The following VSIG2 variants were observed in gnomAD, a reference collection of about 807,000 sequenced individuals.
VSIG2 encodes the protein V-set and immunoglobulin domain-containing protein 2.
VSIG2 carries 30 observed loss-of-function variants against 29.4 expected under a neutral mutation model. The ratio of observed to expected loss-of-function variants is 1.02; its 90% CI spans 0.76 to 1.38. The LOEUF (loss-of-function observed/expected upper bound fraction) is 1.38. Ranked by LOEUF, VSIG2 falls within the 40% of genes most tolerant of loss-of-function variation. VSIG2 has a pLI of 0.00. For missense variants in VSIG2, 421 were observed against 400.8 expected, an observed-to-expected ratio of 1.05 and a Z score of -0.43; for synonymous variants, 178 against 174.2, an observed-to-expected ratio of 1.02 and a Z score of -0.17.
chr11:124,748,254 G>T, intron 6 of VSIG2, 136 bp downstream of exon 6: 2 of 1,051,502 alleles, frequency 1.9e-6, no homozygotes, highest in Non-Finnish European at 2.8e-6. Context: ...GCTGCCACCA[G>T]CAAATTCCAC....
chr11:124,748,016 T>A (rs1284118438), intron 6 of VSIG2: 1 of 361,046 alleles, frequency 2.8e-6, no homozygotes, highest in African/African-American at 2.1e-5. Context: ...CACAGAAGAA[T>A]TGAACTCAGC....
intron 4 of VSIG2, 134 bp from the exon 5 acceptor site, chr11:124,748,897 C>T (rs1944049026): frequency 4.7e-6 from 6 of 1,289,698 alleles, no homozygotes; most frequent in South Asian, 2.6e-5. Context: ...GGGAGGAAAC[C>T]GGTTCAGAAG....
At chr11:124,751,345 C>A (rs2075712) in intron 2 of VSIG2, 78 bp downstream of exon 2, 270,313 of 1,571,212 alleles carry the variant, frequency 0.17, 24,281 homozygotes, top group African/African-American at 0.3. Context: ...CCAAACTCCC[C>A]CTCCCGACCC....
intron 4 of VSIG2, among the ~76,000 whole-genome samples, chr11:124,749,443 C>G (rs1043438437): frequency 4.6e-5 from 7 of 152,182 alleles, no homozygotes; most frequent in African/African-American, 1.7e-4. Context: ...GGGTGGTCAT[C>G]ATCAGATTGC....
rs541507849 is a variant in VSIG2, at chr11:124,750,662, G to A, written c.427+52C>T. On this transcript the variant is annotated intron_variant, in intron 3 of 6. Coordinates refer to ENST00000326621, the MANE Select transcript of VSIG2 (RefSeq NM_014312.5). ...GAGATTTAGCAAGACCAGTGCAAAC[G>A]CCCCAAGTATGTGAAAGAGTATGTG... The A allele has an allele frequency of 8.1e-5, 128 of 1,580,424 alleles. 1 individual carries two copies. The highest frequency in any genetic ancestry group is 4.3e-4 in the East Asian group (19 of 44,606).
chr11:124,747,721 G>T, intron 6 of VSIG2, 54 bp from the exon 7 acceptor site: 5 of 1,571,574 alleles, frequency 3.2e-6, no homozygotes, highest in Non-Finnish European at 3.5e-6. Flanking sequence ...TGCGGAGGAG[G>T]GCCGTCCTCT....
At chr11:124,748,368 A>C in intron 6 of VSIG2, 22 bp downstream of exon 6, 2 of 1,567,852 alleles carry the variant, frequency 1.3e-6, no homozygotes, top group African/African-American at 1.4e-5. Flanking sequence ...TCCTTGCGCC[A>C]CCCCCCAGCC....
rs1459394853 is a variant in VSIG2, at chr11:124,749,754, C to T, written c.540G>A (p.Val180=). Residue 180 remains valine (V), a synonymous_variant, in exon 4 of 7, where the codon GTG becomes GTA. Transcript: ENST00000326621. The stretch of plus-strand genomic sequence containing the variant: ...AAGGTGTAGGAAAAGTTCCAAGACG[C>T]ACCCAGTTGTACACTGGCTTAGGAG... ...EGAPKPVYNW[V]RLGTFPTPSP... is the part of the protein sequence containing the mutation. 6.2e-7 allele frequency: 1 copy of T among 1,613,528 alleles called. No individual in the cohort carries two copies. The highest frequency in any genetic ancestry group is 8.5e-7 in the Non-Finnish European group (1 of 1,179,956).
At chr11:124,751,106 G>A (rs777230849) in intron 2 of VSIG2, among the ~76,000 whole-genome samples, 185 bp from the exon 3 acceptor site, 9 of 150,690 alleles carry the variant, frequency 6.0e-5, no homozygotes, top group Non-Finnish European at 1.0e-4. Context: ...GGTGCTAAAT[G>A]AACCTGATCC....
Position 124,752,099 on chromosome 11 carries a change from CAGGGCCCCGCAGAGAA to C in VSIG2, c.23_38del (p.Phe8CysfsTer2). The C allele has an allele frequency of 4.4e-6, 7 of 1,606,684 alleles. No homozygotes were observed. The highest frequency in any genetic ancestry group is 5.9e-6 in the Non-Finnish European group (7 of 1,178,848). On this transcript the variant is annotated frameshift_variant, in exon 1 of 7. Coordinates refer to ENST00000326621, the MANE Select transcript of VSIG2 (RefSeq NM_014312.5). LOFTEE classifies it high-confidence loss of function. ...CACCACTCAGGCACAGGAAGCCTAGCAGGGCCCCGCAGAGAAAGGGCCCCGGGAGCTCGGCCATGGC... is the reference window on the plus strand; with the variant it reads ...CACCACTCAGGCACAGGAAGCCTAGCAGGGCCCCGGGAGCTCGGCCATGGC...
chr11:124,748,828 C>T, intron 4 of VSIG2, 65 bp from the exon 5 acceptor site: 3 of 1,611,456 alleles, frequency 1.9e-6, no homozygotes, highest in Non-Finnish European at 2.5e-6. Context: ...ACGAGGACAG[C>T]ACATTTCATG....
At chr11:124,747,699 G>A in intron 6 of VSIG2, 32 bp from the exon 7 acceptor site, 3 of 1,602,960 alleles carry the variant, frequency 1.9e-6, no homozygotes, top group Non-Finnish European at 1.7e-6. Context: ...TGAGTGAACA[G>A]TAGAAGCCTC....
Position 124,747,568 on chromosome 11 carries a change from CG to C in VSIG2, c.950del (p.Thr317ArgfsTer27). ...LERPSSASTV[T>X]TTKSKLPMVV is the part of the protein sequence containing the mutation. Reference sequence around the variant, plus strand: ...CCATAGGGAGCTTGGACTTGGTGGTCGTCACGGTGCTGGCAGACGAGGGTCT... The same window carrying C: ...CCATAGGGAGCTTGGACTTGGTGGTCTCACGGTGCTGGCAGACGAGGGTCT... On this transcript the variant is annotated frameshift_variant, in exon 7 of 7. Transcript: ENST00000326621. LOFTEE classifies it high-confidence loss of function. The C allele has an allele frequency of 1.9e-6, 3 of 1,613,562 alleles. No homozygotes were observed. Among genetic ancestry groups the C allele is most frequent in the Non-Finnish European group, 2.5e-6 (3 of 1,179,806 alleles).
chr11:124,750,776 T>C lies in VSIG2; in HGVS notation c.365A>G (p.Gln122Arg). The C allele has an allele frequency of 2.5e-6, 4 of 1,613,938 alleles. No homozygotes were observed. The highest frequency in any genetic ancestry group is 3.4e-6 in the Non-Finnish European group (4 of 1,179,958). ...HPSDTGTYLC[Q>R]VNNPPDFYTN... is the part of the protein sequence containing the mutation. ...GTAGAAATCTGGTGGGTTGTTGACT[T>C]GGCAGAGGTAGGTTCCAGTATCTGA... The change falls in exon 3 of 7, where the codon CAA (glutamine) becomes CGA (arginine). Residue 122 changes from glutamine (Q) to arginine (R), a missense_variant. Transcript: ENST00000326621.
At position 124,750,918 on chromosome 11, in the gene VSIG2, G is replaced by T. The variant is rs1944078029; in HGVS notation, c.223C>A (p.Leu75Met). 1.2e-6 allele frequency: 2 copies of T among 1,613,864 alleles called. No homozygotes were observed. The highest frequency in any genetic ancestry group is 4.5e-5 in the East Asian group (2 of 44,888). Residue 75 changes from leucine (L) to methionine (M), a missense_variant, in exon 3 of 7, where the codon CTG becomes ATG. Transcript: ENST00000326621. The stretch of plus-strand genomic sequence containing the variant: ...TACAGATGGCCATTGGTGAAGTACA[G>T]GATCTGGGGAGAGGCAGAAGACACA... Reference protein sequence around the residue: ...GKPISESHPILYFTNGHLYPT... With the variant: ...GKPISESHPIMYFTNGHLYPT...
At chr11:124,748,104 C>A in intron 6 of VSIG2, 2 of 431,224 alleles carry the variant, frequency 4.6e-6, no homozygotes, top group Non-Finnish European at 8.2e-6. Context: ...TATGAAAATA[C>A]CTTCGGAACA....
At chr11:124,748,235 G>T in intron 6 of VSIG2, 155 bp downstream of exon 6, 1 of 847,294 alleles carries the variant, frequency 1.2e-6, no homozygotes, top group Non-Finnish European at 1.8e-6. Context: ...CAAATACACA[G>T]GTTACACTGC....
At chr11:124,749,614 C>T in intron 4 of VSIG2, 94 bp downstream of exon 4, 1 of 1,498,976 alleles carries the variant, frequency 6.7e-7, no homozygotes, top group Admixed American at 2.1e-5. Context: ...TGTCATACCC[C>T]TAGTCATGGA....
chr11:124,750,974 T>G, intron 2 of VSIG2, 53 bp from the exon 3 acceptor site: 1 of 1,579,906 alleles, frequency 6.3e-7, no homozygotes, highest in African/African-American at 1.3e-5. Context: ...TGGCATCAAC[T>G]CTACAGTCCT....
Sources: allele counts gnomAD v4.1 joint callset (sites outside exome capture counted in the v4.1 genomes callset), GRCh38; gene constraint gnomAD v4.1.1; transcripts MANE v1.5; gene names NCBI Gene and HGNC (gene_info 2026-07-23, HGNC 2026-07-21).